The following CLASRP variants were observed in gnomAD, a reference collection of about 807,000 sequenced individuals.
CLASRP encodes the protein CLK4 associating serine/arginine rich protein.
CLASRP carries 52 observed loss-of-function variants against 99.9 expected under a neutral mutation model. The ratio of observed to expected loss-of-function variants is 0.52; its 90% CI spans 0.42 to 0.66. The LOEUF is 0.66. Among genes scored for constraint, CLASRP ranks in the 30% least tolerant of loss-of-function variants. CLASRP has a pLI of 0.00. For synonymous variants in CLASRP, 379 were observed against 373.0 expected, an observed-to-expected ratio of 1.02 and a Z score of -0.18; for missense variants, 848 against 999.2, an observed-to-expected ratio of 0.85 and a Z score of 2.04.
rs183924265 is a variant in CLASRP, at chr19:45,067,160, G to A, written c.1410-177G>A. Among the ~76,000 whole-genome samples the A allele has an allele frequency of 3.9e-5, 6 of 152,332 alleles. No homozygotes were observed. In the South Asian group the frequency reaches 6.2e-4, roughly 16 times the overall value. On this transcript the variant is annotated intron_variant, in intron 13 of 20. Coordinates refer to ENST00000221455, the MANE Select transcript of CLASRP (RefSeq NM_007056.3). The surrounding 1 kb of genome is among the most constrained non-coding windows in gnomAD (Gnocchi z 4.9). ...TATCTAGAGCGCCATCTCTGTAGCC[G>A]GAGGGAGGCCGGAATGCCGCTCTGG... is the stretch of plus-strand genomic sequence containing the variant.
At chr19:45,040,365 C>A in intron 2 of CLASRP, 54 bp downstream of exon 2, 1 of 1,206,358 alleles carries the variant, frequency 8.3e-7, no homozygotes, top group Non-Finnish European at 1.2e-6. Context: ...GGGGGCACAG[C>A]TGGTCATCCT....
chr19:45,059,173 C>A, intron 7 of CLASRP, 95 bp from the exon 8 acceptor site: 3 of 980,518 alleles, frequency 3.1e-6, no homozygotes, highest in South Asian at 1.4e-5. Context: ...CTCAGTCTGG[C>A]GGGCGCCCCA....
intron 2 of CLASRP, among the ~76,000 whole-genome samples, chr19:45,041,567 A>G (rs1302179482): frequency 3.9e-5 from 6 of 152,096 alleles, no homozygotes; most frequent in Admixed American, 2.0e-4. Context: ...TTATTCCTGT[A>G]TTACTGCCCC....
intron 10 of CLASRP, among the ~76,000 whole-genome samples, chr19:45,061,572 G>A (rs1310767945): frequency 6.6e-6 from 1 of 151,986 alleles, no homozygotes; most frequent in Non-Finnish European, 1.5e-5. Flanking sequence ...AGGCTTAGGC[G>A]ATCCTCCTAC....
At chr19:45,069,464 C>T (rs567539679) in intron 18 of CLASRP, among the ~76,000 whole-genome samples, 2 of 152,230 alleles carry the variant, frequency 1.3e-5, no homozygotes, top group Non-Finnish European at 2.9e-5. Flanking sequence ...ACCGCGACCT[C>T]CTCCCAGCTC....
In CLASRP at chr19:45,070,917, C is replaced by G; in HGVS notation, c.*72C>G. The stretch of plus-strand genomic sequence containing the variant: ...CAAGCTGTGATGCTGCTGGTTTTAT[C>G]TCTAGTGAAATAAAGTCAAAAGTTA... On this transcript the variant is annotated 3_prime_UTR_variant, in exon 21 of 21. Coordinates refer to ENST00000221455, the MANE Select transcript of CLASRP (RefSeq NM_007056.3). The G allele has an allele frequency of 1.0e-6, 1 of 958,504 alleles. No homozygotes were observed. Among genetic ancestry groups the G allele is most frequent in the Non-Finnish European group, 1.6e-6 (1 of 619,782 alleles). 59.4% of individuals were successfully genotyped at this position (958,504 alleles called of 1,614,324 possible).
chr19:45,067,504 G>T lies in CLASRP; in HGVS notation c.1577G>T (p.Arg526Leu). 1.3e-6 allele frequency: 2 copies of T among 1,590,134 alleles called. No individual in the cohort carries two copies. Residue 526 changes from arginine (R) to leucine (L), a missense_variant, in exon 14 of 21, where the codon CGC (arginine) becomes CTC (leucine). Coordinates refer to ENST00000221455, the MANE Select transcript of CLASRP (RefSeq NM_007056.3). This position sits in a 1 kb window ranked among gnomAD's most constrained non-coding sequence, Gnocchi z 4.9. The part of the protein sequence containing the change: ...PSPSQSRSRS[R>L]SRSQSPSPSP... ...CCCAGCCAGAGCCGCAGCCGCAGCC[G>T]CAGCCGCAGCCAGAGCCCCTCGCCA...
chr19:45,056,433 T>G lies in CLASRP; in HGVS notation c.380-17T>G. The G allele has an allele frequency of 6.2e-7, 1 of 1,612,608 alleles. No homozygotes were observed. Among genetic ancestry groups the G allele is most frequent in the South Asian group, 1.1e-5 (1 of 91,038 alleles). On this transcript the variant is annotated splice_polypyrimidine_tract_variant and intron_variant, in intron 5 of 20. Coordinates refer to ENST00000221455, the MANE Select transcript of CLASRP (RefSeq NM_007056.3). The stretch of plus-strand genomic sequence containing the variant: ...GTCCCCAACCCACTCTGACCTGGGG[T>G]CTCTTGTTTGCTGCAGTCTCAGAGG...
chr19:45,057,852 C>G lies in CLASRP; in HGVS notation c.567C>G (p.Ala189=), dbSNP rs77436067. The change falls in exon 7 of 21, where the codon GCC becomes GCG. Residue 189 remains alanine, a synonymous_variant. Coordinates refer to ENST00000221455, the MANE Select transcript of CLASRP (RefSeq NM_007056.3). ...AEKPEEEESA[A]EEESNSDEDE... ...AGCCAGAGGAGGAGGAGTCAGCGGC[C>G]GAGGAGGAGAGCAACTCGGACGAAG... is the stretch of plus-strand genomic sequence containing the variant. 1,690 of 1,613,986 alleles carry G rather than the reference C, an allele frequency of 1.0e-3. 16 individuals are homozygous for G. In the African/African-American group the frequency reaches 0.018, roughly 18 times the overall value.
At position 45,064,453 on chromosome 19, in the gene CLASRP, C is replaced by A. The variant is rs1368474481; in HGVS notation, c.1232C>A (p.Ser411Tyr). The A allele has an allele frequency of 1.3e-6, 2 of 1,528,808 alleles. No homozygotes were observed. Among genetic ancestry groups the A allele is most frequent in the Admixed American group, 3.9e-5 (2 of 50,868 alleles). 94.7% of individuals were successfully genotyped at this position (1,528,808 alleles called of 1,614,324 possible). A position where few individuals can be genotyped will look rare whatever the true frequency, so the allele number is the denominator to read the frequency against. Residue 411 changes from serine (S) to tyrosine (Y), a missense_variant, in exon 13 of 21, where the codon TCC (serine) becomes TAC (tyrosine). Transcript: ENST00000221455. ...CGCCGTGGTGGGGGCTACTACCGTT[C>A]CGGCCGCCACGCCCGCTCCCGGTCC... The part of the protein sequence containing the change: ...RSRRGGGYYR[S>Y]GRHARSRSRS...
chr19:45,059,497 A>G (rs1268330256), intron 8 of CLASRP, 133 bp downstream of exon 8: 6 of 739,682 alleles, frequency 8.1e-6, no homozygotes, highest in Middle Eastern at 2.3e-4. Flanking sequence ...GACTTTACAC[A>G]TGCAGGTCCC....
At chr19:45,055,130 C>T (rs75946731) in intron 5 of CLASRP, among the ~76,000 whole-genome samples, 1,839 of 152,294 alleles carry the variant, frequency 0.012, 23 homozygotes, top group Non-Finnish European at 0.021. Context: ...TGAACACCTG[C>T]GGTGTGGCAA....
chr19:45,052,912 G>C lies in CLASRP; in HGVS notation c.299+20G>C, dbSNP rs749114512. The stretch of plus-strand genomic sequence containing the variant: ...CACCATGTAAGCCACCTCCCAGGGG[G>C]TTGCCAGGCACAGCGTCATACCCAG... On this transcript the variant is annotated intron_variant, in intron 4 of 20. Coordinates refer to ENST00000221455, the MANE Select transcript of CLASRP (RefSeq NM_007056.3). 6.3e-7 allele frequency: 1 copy of C among 1,589,422 alleles called. No homozygotes were observed. Among genetic ancestry groups the C allele is most frequent in the Non-Finnish European group, 8.6e-7 (1 of 1,166,594 alleles).
chr19:45,070,481 G>A, intron 19 of CLASRP, 56 bp from the exon 20 acceptor site: 3 of 1,565,478 alleles, frequency 1.9e-6, no homozygotes, highest in Admixed American at 1.7e-5. Flanking sequence ...CCAGGTCAAG[G>A]AAGAGGCCCT....
intron 18 of CLASRP, chr19:45,069,785 G>A (rs1483280475): frequency 2.2e-5 from 12 of 540,162 alleles, no homozygotes; most frequent in Non-Finnish European, 3.6e-5. Context: ...GAAATGATGG[G>A]ACTATCCTGC....
intron 2 of CLASRP, among the ~76,000 whole-genome samples, chr19:45,042,708 G>T (rs1350756726): frequency 2.0e-5 from 3 of 151,802 alleles, no homozygotes; most frequent in Non-Finnish European, 4.4e-5. Flanking sequence ...CACCCCCCAG[G>T]TTCAAGCTAT....
chr19:45,064,320 G>C (rs770050005), intron 12 of CLASRP, 23 bp from the exon 13 acceptor site: 8 of 1,516,160 alleles, frequency 5.3e-6, no homozygotes, highest in Non-Finnish European at 7.0e-6. Context: ...TGCGCTGACC[G>C]GCCCTCCGTG....
chr19:45,070,838 G>A lies in CLASRP; in HGVS notation c.2018G>A (p.Arg673Gln), dbSNP rs779406462. 28 of 1,438,980 alleles carry A rather than the reference G, an allele frequency of 1.9e-5. No individual in the cohort carries two copies. The highest frequency in any genetic ancestry group is 1.8e-4 in the Middle Eastern group (1 of 5,486). The allele number at this position is 1,438,980 out of a possible 1,614,324, so 89.1% of individuals were successfully genotyped here. ...SRSRSRSPHY[R>Q]H ...TCCCGATCCCGAAGCCCCCATTACCGACATTAGGCAGAAGAGTGGGGGGTG... is the reference window on the plus strand; with the variant it reads ...TCCCGATCCCGAAGCCCCCATTACCAACATTAGGCAGAAGAGTGGGGGGTG... Residue 673 changes from arginine (R) to glutamine (Q), a missense_variant, in exon 21 of 21, where the codon CGA (arginine) becomes CAA (glutamine). By Grantham distance (43) the Arg-to-Gln change is conservative. Around this residue, in one of 8 missense-constraint regions of CLASRP, gnomAD observed 116 missense variants for 162.7 expected, o/e 0.71. Transcript: ENST00000221455.
chr19:45,067,645 G>A lies in CLASRP; in HGVS notation c.1667+51G>A. ...AGGGCTGCCAATCTCGGGTGGGGAGGGTGAACATCACTGTTTTCTTTTTGA... is the reference window on the plus strand; with the variant it reads ...AGGGCTGCCAATCTCGGGTGGGGAGAGTGAACATCACTGTTTTCTTTTTGA... On this transcript the variant is annotated intron_variant, in intron 14 of 20. Transcript: ENST00000221455. This position sits in a 1 kb window ranked among gnomAD's most constrained non-coding sequence, Gnocchi z 4.9. The A allele has an allele frequency of 6.7e-7, 1 of 1,490,984 alleles. No individual in the cohort carries two copies. The highest frequency in any genetic ancestry group is 2.3e-5 in the East Asian group (1 of 43,616). The allele number at this position is 1,490,984 out of a possible 1,614,324, so 92.4% of individuals were successfully genotyped here. A position where few individuals can be genotyped will look rare whatever the true frequency, so the allele number is the denominator to read the frequency against.
Sources: gnomAD v4.1 joint callset for allele counts (sites outside exome capture counted in the v4.1 genomes callset) on GRCh38, gnomAD v4.1.1 for gene constraint, gnomAD v4.1.1 regional missense constraint, Gnocchi (gnomAD v3.1) non-coding constraint, MANE v1.5 for transcripts, NCBI Gene and HGNC (gene_info 2026-07-23, HGNC 2026-07-21) for gene names.